Variants in WWOX observed in about 807,000 individuals in gnomAD.
The protein encoded by WWOX is WW domain containing oxidoreductase.
Under a neutral mutation model 46.2 loss-of-function variants are expected in WWOX, and 69 were observed. That is an observed-to-expected ratio of 1.49 (90% CI 1.23 to 1.82). The LOEUF is 1.82. WWOX is among the 40% of genes most tolerant of loss of function. The pLI is 0.00. For synonymous variants in WWOX, 359 were observed against 202.6 expected (o/e 1.77, Z -6.56); for missense variants, 919 against 542.6 (o/e 1.69, Z -6.89).
chr16:78,612,080 T>G (rs2045914194), intron 8 of WWOX, among the ~76,000 whole-genome samples: 1 of 152,136 alleles, frequency 6.6e-6, no homozygotes, highest in South Asian at 2.1e-4. Flanking sequence ...TTAGGATTCT[T>G]TAGTGTTGGT....
chr16:78,283,393 T>G lies in WWOX; in HGVS notation c.517-103467T>G, dbSNP rs542606860. ...TCCCGCCCTCGGCCTCATACCTGCTTTCCACTCTGTGACCTATTTACTTCG... is the reference window on the plus strand; with the variant it reads ...TCCCGCCCTCGGCCTCATACCTGCTGTCCACTCTGTGACCTATTTACTTCG... On this transcript the variant is annotated intron_variant, in intron 5 of 8. Transcript: ENST00000566780. Among the ~76,000 whole-genome samples, 3 of 152,288 alleles carry G rather than the reference T, an allele frequency of 2.0e-5. No individual in the cohort carries two copies. The South Asian group carries it at 6.2e-4, about 32-fold the overall frequency.
At position 78,952,246 on chromosome 16, in the gene WWOX, A is replaced by G. The variant is rs377296328; in HGVS notation, c.1057-259362A>G. 2.3e-3 allele frequency among the ~76,000 whole-genome samples: 348 copies of G among 152,094 alleles called. 1 individual carries two copies. Among genetic ancestry groups the G allele is most frequent in the African/African-American group, 8.1e-3 (337 of 41,508 alleles). ...TGCCTCTACTCAGTCTTTATATTTCAACTCAGTGGTCACTGTCTCTAGGAA... is the reference window on the plus strand; with the variant it reads ...TGCCTCTACTCAGTCTTTATATTTCGACTCAGTGGTCACTGTCTCTAGGAA... On this transcript the variant is annotated intron_variant, in intron 8 of 8. Transcript: ENST00000566780.
intron 8 of WWOX, among the ~76,000 whole-genome samples, chr16:78,555,971 G>T (rs888546105): frequency 4.5e-4 from 68 of 152,066 alleles, no homozygotes; most frequent in African/African-American, 1.6e-3. Flanking sequence ...GCAAGGAATC[G>T]AGTGTCATGG....
chr16:78,798,125 A>G (rs958765952), intron 8 of WWOX, among the ~76,000 whole-genome samples: 1 of 152,184 alleles, frequency 6.6e-6, no homozygotes, highest in Non-Finnish European at 1.5e-5. Flanking sequence ...TTATATAGGG[A>G]GCAAAGGACA....
At chr16:78,687,952 G>C (rs1314019998) in intron 8 of WWOX, among the ~76,000 whole-genome samples, 2 of 152,108 alleles carry the variant, frequency 1.3e-5, no homozygotes, top group East Asian at 1.9e-4. Flanking sequence ...AAATGCAAGT[G>C]AGGTCAGATC....
intron 8 of WWOX, among the ~76,000 whole-genome samples, chr16:79,132,155 CACACACACACA>C (rs2049892262): frequency 4.0e-5 from 6 of 151,710 alleles, no homozygotes; most frequent in African/African-American, 1.2e-4. Flanking sequence ...CACACACACA[CACACACACACA>C]CCCCTTCCTA....
chr16:78,628,551 A>G (rs573135900), intron 8 of WWOX, among the ~76,000 whole-genome samples: 3 of 152,018 alleles, frequency 2.0e-5, no homozygotes, highest in South Asian at 2.1e-4. Flanking sequence ...CTTTTTTTGT[A>G]TGCCTCCCCA....
At chr16:78,990,899 G>C (rs1567465273) in intron 8 of WWOX, among the ~76,000 whole-genome samples, 1 of 152,206 alleles carries the variant, frequency 6.6e-6, no homozygotes, top group Non-Finnish European at 1.5e-5. Context: ...CAGCATGAGT[G>C]ATTTTTCCCT....
intron 8 of WWOX, among the ~76,000 whole-genome samples, chr16:78,760,187 G>A (rs1028458815): frequency 1.3e-5 from 2 of 152,198 alleles, no homozygotes; most frequent in African/African-American, 2.4e-5. Context: ...ACGAGAGAGA[G>A]TGACAGCCAG....
chr16:78,802,116 C>A (rs77208527), intron 8 of WWOX, among the ~76,000 whole-genome samples: 1,564 of 151,426 alleles, frequency 0.01, 26 homozygotes, highest in African/African-American at 0.036. Flanking sequence ...GTGCGTGAAT[C>A]TCACTCTTAG....
At position 78,348,557 on chromosome 16, in the gene WWOX, A is replaced by T. The variant is rs1158322196; in HGVS notation, c.517-38303A>T. The stretch of plus-strand genomic sequence containing the variant: ...ACTGTAGCTTTTGCCTCTTGAGCTC[A>T]GGCAATCCTCCTGCCTCAGCCCCAC... On this transcript the variant is annotated intron_variant, in intron 5 of 8. Transcript: ENST00000566780. Among the ~76,000 whole-genome samples, 2 of 120,846 alleles carry T rather than the reference A, an allele frequency of 1.7e-5. 1 individual carries two copies. The highest frequency in any genetic ancestry group is 5.6e-5 in the African/African-American group (2 of 35,582). 79.3% of individuals were successfully genotyped at this position (120,846 alleles called of 152,430 possible).
intron 8 of WWOX, among the ~76,000 whole-genome samples, chr16:79,183,891 G>T (rs553495648): frequency 7.9e-5 from 12 of 152,238 alleles, no homozygotes; most frequent in African/African-American, 2.4e-4. Flanking sequence ...TCACTGCTCT[G>T]GTCTCTATAC....
chr16:78,711,649 A>G (rs1280643655), intron 8 of WWOX, among the ~76,000 whole-genome samples: 1 of 152,178 alleles, frequency 6.6e-6, no homozygotes, highest in African/African-American at 2.4e-5. Context: ...TGATAAATGT[A>G]TTTGAGACGA....
At chr16:78,965,735 C>G (rs1243453488) in intron 8 of WWOX, among the ~76,000 whole-genome samples, 1 of 152,114 alleles carries the variant, frequency 6.6e-6, no homozygotes, top group Non-Finnish European at 1.5e-5. Flanking sequence ...TGACTTGATC[C>G]CATTTAAGCA....
chr16:78,538,839 T>A (rs1325089925), intron 8 of WWOX, among the ~76,000 whole-genome samples: 1 of 152,182 alleles, frequency 6.6e-6, no homozygotes, highest in Non-Finnish European at 1.5e-5. Flanking sequence ...ATTGGAGGAT[T>A]GTTTATTTCT....
chr16:78,828,737 G>C (rs1194188338), intron 8 of WWOX, among the ~76,000 whole-genome samples: 1 of 152,018 alleles, frequency 6.6e-6, no homozygotes, highest in African/African-American at 2.4e-5. Flanking sequence ...ATCGTCTCTA[G>C]TCCTCCAACC....
intron 8 of WWOX, among the ~76,000 whole-genome samples, chr16:78,881,720 A>G (rs1729455400): frequency 1.3e-5 from 2 of 152,250 alleles, no homozygotes; most frequent in African/African-American, 4.8e-5. Flanking sequence ...TTAAGAAGTA[A>G]TAGAATGATC....
At chr16:78,756,971 C>T (rs190188497) in intron 8 of WWOX, 2 of 702,864 alleles carry the variant, frequency 2.8e-6, no homozygotes, top group Non-Finnish European at 5.2e-6. Flanking sequence ...GGAGGATACT[C>T]AAGCATACCC....
chr16:78,901,399 T>C (rs8050115), intron 8 of WWOX, among the ~76,000 whole-genome samples: 45,765 of 152,186 alleles, frequency 0.3, 7,565 homozygotes, highest in Non-Finnish European at 0.38. Context: ...TCTTTCTCTT[T>C]TTTTCCTGTT....
Sources: gnomAD v4.1 joint callset for allele counts (sites outside exome capture counted in the v4.1 genomes callset) on GRCh38, gnomAD v4.1.1 for gene constraint, MANE v1.5 for transcripts, NCBI Gene and HGNC (gene_info 2026-07-23, HGNC 2026-07-21) for gene names.